Variants in MEIKIN observed in about 807,000 individuals in gnomAD.
The protein encoded by MEIKIN is meiosis-specific kinetochore protein.
chr5:131,833,868 A>G (rs1749755626), intron 11 of MEIKIN, among the ~76,000 whole-genome samples: 1 of 152,222 alleles, frequency 6.6e-6, no homozygotes, highest in Non-Finnish European at 1.5e-5. Context: ...ATGTCTACCA[A>G]GCTCTACGAA....
chr5:131,887,454 C>T (rs987429731), intron 8 of MEIKIN, among the ~76,000 whole-genome samples: 1 of 152,160 alleles, frequency 6.6e-6, no homozygotes, highest in Non-Finnish European at 1.5e-5. Flanking sequence ...TACACTCCCA[C>T]CAACAGTGTA....
intron 4 of MEIKIN, among the ~76,000 whole-genome samples, chr5:131,937,656 T>C (rs923011033): frequency 1.3e-5 from 2 of 152,110 alleles, no homozygotes; most frequent in African/African-American, 2.4e-5. Flanking sequence ...GGAGTCCATT[T>C]TGACTCTGCA....
chr5:131,864,453 T>C (rs1198615916), intron 9 of MEIKIN, among the ~76,000 whole-genome samples: 2 of 152,216 alleles, frequency 1.3e-5, no homozygotes, highest in African/African-American at 2.4e-5. Context: ...GTCTGGGAAA[T>C]ACTTTATTTC....
chr5:131,880,076 C>T (rs1485263186), intron 8 of MEIKIN, among the ~76,000 whole-genome samples: 1 of 151,526 alleles, frequency 6.6e-6, no homozygotes, highest in Admixed American at 6.6e-5. Context: ...CACACCACCA[C>T]GCCCAGCTAA....
At chr5:131,892,468 T>A (rs893825434) in intron 8 of MEIKIN, among the ~76,000 whole-genome samples, 2 of 152,248 alleles carry the variant, frequency 1.3e-5, no homozygotes, top group Admixed American at 6.5e-5. Flanking sequence ...ATTCATTTCA[T>A]CTTCCATCAC....
chr5:131,920,698 T>A (rs1284361568), intron 6 of MEIKIN, among the ~76,000 whole-genome samples: 1 of 108,744 alleles, frequency 9.2e-6, no homozygotes, highest in Non-Finnish European at 1.7e-5. Context: ...CATAACTTCA[T>A]TTTTTTTTTT....
At chr5:131,893,927 T>G (rs1393171022) in intron 8 of MEIKIN, among the ~76,000 whole-genome samples, 1 of 152,194 alleles carries the variant, frequency 6.6e-6, no homozygotes, top group Non-Finnish European at 1.5e-5. Context: ...TCTATTTTTG[T>G]TTTTGTTGCC....
At chr5:131,822,694 T>A (rs1749535878) in intron 11 of MEIKIN, among the ~76,000 whole-genome samples, 1 of 152,234 alleles carries the variant, frequency 6.6e-6, no homozygotes, top group Non-Finnish European at 1.5e-5. Context: ...GTGTTTCTAC[T>A]TAACTCAAGA....
chr5:131,920,822 C>A (rs1751492226), intron 6 of MEIKIN, among the ~76,000 whole-genome samples: 1 of 152,034 alleles, frequency 6.6e-6, no homozygotes, highest in Admixed American at 6.6e-5. Flanking sequence ...CCACCTCAGC[C>A]TCTTGAGTAG....
chr5:131,897,657 C>G (rs955420265), intron 8 of MEIKIN, among the ~76,000 whole-genome samples: 1 of 152,064 alleles, frequency 6.6e-6, no homozygotes, highest in East Asian at 1.9e-4. Flanking sequence ...TCACTGATAT[C>G]CTTTCTTCCA....
intron 11 of MEIKIN, among the ~76,000 whole-genome samples, chr5:131,835,262 A>G (rs916126419): frequency 6.6e-6 from 1 of 150,568 alleles, no homozygotes; most frequent in South Asian, 2.1e-4. Flanking sequence ...ATGATATATG[A>G]TATCAACTCC....
chr5:131,832,734 C>T (rs911666228), intron 11 of MEIKIN, among the ~76,000 whole-genome samples: 1 of 152,256 alleles, frequency 6.6e-6, no homozygotes, highest in African/African-American at 2.4e-5. Flanking sequence ...TGTGCACCCA[C>T]AGGCTCAATA....
At chr5:131,888,992 G>C (rs758905668) in intron 8 of MEIKIN, among the ~76,000 whole-genome samples, 1 of 152,152 alleles carries the variant, frequency 6.6e-6, no homozygotes, top group African/African-American at 2.4e-5. Context: ...GCTTGTTTAT[G>C]TCAGGTTTGT....
intron 8 of MEIKIN, among the ~76,000 whole-genome samples, chr5:131,904,723 A>C (rs913627657): frequency 6.6e-6 from 1 of 152,212 alleles, no homozygotes; most frequent in African/African-American, 2.4e-5. Context: ...TCACAATAGC[A>C]AAGACTTGGA....
chr5:131,812,476 G>A (rs1773014674), intron 12 of MEIKIN, among the ~76,000 whole-genome samples: 1 of 152,092 alleles, frequency 6.6e-6, no homozygotes, highest in South Asian at 2.1e-4. Context: ...AATTTCCAGG[G>A]GTCAAGTAGT....
intron 8 of MEIKIN, among the ~76,000 whole-genome samples, chr5:131,901,284 C>T (rs533944676): frequency 9.9e-5 from 15 of 152,274 alleles, no homozygotes; most frequent in East Asian, 7.7e-4. Context: ...CTACCCTGAG[C>T]GGCCACTGCT....
At chr5:131,907,670 G>A (rs527452183) in intron 8 of MEIKIN, among the ~76,000 whole-genome samples, 42 of 151,484 alleles carry the variant, frequency 2.8e-4, no homozygotes, top group African/African-American at 9.0e-4. Context: ...TCAGGAGTTC[G>A]AGACCAGCCT....
At chr5:131,939,975 A>C (rs17132083) in intron 4 of MEIKIN, among the ~76,000 whole-genome samples, 4,047 of 152,326 alleles carry the variant, frequency 0.027, 187 homozygotes, top group African/African-American at 0.092. Context: ...AACCTGTATT[A>C]TCTTTGAAAC....
At chr5:131,890,567 C>T (rs553513019) in intron 8 of MEIKIN, among the ~76,000 whole-genome samples, 1 of 152,292 alleles carries the variant, frequency 6.6e-6, no homozygotes, top group East Asian at 1.9e-4. Flanking sequence ...ATGATATCTC[C>T]TTTGTCATTT....
Sources: allele counts gnomAD v4.1 joint callset (sites outside exome capture counted in the v4.1 genomes callset), GRCh38; gene constraint gnomAD v4.1.1; transcripts MANE v1.5; gene names NCBI Gene and HGNC (gene_info 2026-07-23, HGNC 2026-07-21).